Variants in LHFPL3 observed in about 807,000 individuals in gnomAD.
The protein encoded by LHFPL3 is LHFPL tetraspan subfamily member 3.
Under a neutral mutation model 19.3 loss-of-function variants are expected in LHFPL3, and 5 were observed. The ratio of observed to expected loss-of-function variants is 0.26; its 90% CI spans 0.14 to 0.54. The LOEUF (loss-of-function observed/expected upper bound fraction) is 0.54, where lower values mean the gene tolerates loss of function less well. Among genes scored for constraint, LHFPL3 ranks in the 20% least tolerant of loss-of-function variants. The pLI is 0.94. For missense variants in LHFPL3, 249 were observed against 307.4 expected, an observed-to-expected ratio of 0.81 and a Z score of 1.42; for synonymous variants, 133 against 126.2, an observed-to-expected ratio of 1.05 and a Z score of -0.36.
At chr7:104,704,653 T>TCC (rs1562969317) in intron 1 of LHFPL3, among the ~76,000 whole-genome samples, 4 of 147,028 alleles carry the variant, frequency 2.7e-5, no homozygotes, top group African/African-American at 1.0e-4. Flanking sequence ...TTTTTTTTTT[T>TCC]TTGACAGGGT....
chr7:104,377,905 A>G (rs918068802), intron 1 of LHFPL3, among the ~76,000 whole-genome samples: 2 of 152,220 alleles, frequency 1.3e-5, no homozygotes, highest in Non-Finnish European at 1.5e-5. Context: ...GGCTTCTTCA[A>G]TTATTGTACA....
intron 1 of LHFPL3, among the ~76,000 whole-genome samples, chr7:104,430,379 TATACATATATATATATATATATATAC>T (rs1202743014): frequency 6.2e-5 from 3 of 48,308 alleles, no homozygotes; most frequent in African/African-American, 4.5e-4. Flanking sequence ...GGTATATATA[TATACATATATATATATATATATATAC>T]ATATATATAT....
At chr7:104,755,198 G>A (rs796416828) in intron 2 of LHFPL3, among the ~76,000 whole-genome samples, 4 of 152,240 alleles carry the variant, frequency 2.6e-5, no homozygotes, top group African/African-American at 9.6e-5. Flanking sequence ...TCCAGGTGAT[G>A]ACACGGCACA....
intron 2 of LHFPL3, chr7:104,796,374 G>C (rs1790127011): frequency 6.6e-6 from 1 of 152,234 alleles, no homozygotes; most frequent in South Asian, 2.1e-4. Flanking sequence ...GCATTAGTGT[G>C]GAGGTGGCCA....
chr7:104,636,258 C>T (rs1045002050), intron 1 of LHFPL3, among the ~76,000 whole-genome samples: 2 of 151,838 alleles, frequency 1.3e-5, no homozygotes, highest in African/African-American at 2.4e-5. Flanking sequence ...TAGAAGTATA[C>T]GTATATTATA....
intron 1 of LHFPL3, among the ~76,000 whole-genome samples, chr7:104,365,801 A>AAAAAAG (rs893610992): frequency 8.9e-4 from 126 of 142,050 alleles, no homozygotes; most frequent in Non-Finnish European, 1.4e-3. Flanking sequence ...AAAAAAAAAA[A>AAAAAAG]AAAAGAAAAG....
chr7:104,517,496 A>G (rs1012265659), intron 1 of LHFPL3, among the ~76,000 whole-genome samples: 2 of 149,094 alleles, frequency 1.3e-5, no homozygotes, highest in African/African-American at 5.0e-5. Flanking sequence ...TATTCAAATA[A>G]TTGATTGGCC....
At chr7:104,734,750 G>A (rs373094596) in intron 1 of LHFPL3, among the ~76,000 whole-genome samples, 9 of 152,248 alleles carry the variant, frequency 5.9e-5, no homozygotes, top group Middle Eastern at 6.8e-3. Context: ...GCTTTGTTCC[G>A]TTGCTGGTGA....
intron 1 of LHFPL3, among the ~76,000 whole-genome samples, chr7:104,536,322 A>G (rs2115860099): frequency 6.6e-6 from 1 of 152,290 alleles, no homozygotes; most frequent in African/African-American, 2.4e-5. Flanking sequence ...AAAAATGATC[A>G]TGGAAAGCAA....
chr7:104,558,630 G>C (rs948413609), intron 1 of LHFPL3, among the ~76,000 whole-genome samples: 13 of 150,988 alleles, frequency 8.6e-5, no homozygotes, highest in Admixed American at 3.3e-4. Flanking sequence ...TTTGTAGGTT[G>C]CCTGTTCACT....
In LHFPL3 at chr7:104,495,465, G is replaced by C. The variant is rs963275281; in HGVS notation, c.445+166241G>C. 4.6e-5 allele frequency among the ~76,000 whole-genome samples: 7 copies of C among 152,140 alleles called. 1 individual carries two copies. The highest frequency in any genetic ancestry group is 4.1e-4 in the South Asian group (2 of 4,820). ...GTGGCACAATCTCAGCTCACTGCAA[G>C]CTCCACCTTCCGGGTTCACGCCATT... On this transcript the variant is annotated intron_variant, in intron 1 of 2. Transcript: ENST00000424859.
chr7:104,752,503 A>T (rs899065643), intron 2 of LHFPL3, among the ~76,000 whole-genome samples: 1 of 145,058 alleles, frequency 6.9e-6, no homozygotes, highest in Non-Finnish European at 1.5e-5. Context: ...TTCTTTTCCA[A>T]TCTTTTAGAT....
chr7:104,487,968 T>C (rs1045256161), intron 1 of LHFPL3, among the ~76,000 whole-genome samples: 2 of 152,208 alleles, frequency 1.3e-5, no homozygotes, highest in African/African-American at 4.8e-5. Flanking sequence ...CTCCTTCTTG[T>C]AAATACAGCT....
intron 2 of LHFPL3, among the ~76,000 whole-genome samples, chr7:104,823,668 G>A (rs900957297): frequency 6.6e-6 from 1 of 152,130 alleles, no homozygotes; most frequent in Non-Finnish European, 1.5e-5. Flanking sequence ...TAAGTGCTTT[G>A]AGATTAATTT....
chr7:104,594,761 T>C (rs1790805821), intron 1 of LHFPL3, among the ~76,000 whole-genome samples: 1 of 152,192 alleles, frequency 6.6e-6, no homozygotes, highest in Non-Finnish European at 1.5e-5. Flanking sequence ...TCTCTAACCT[T>C]GTTTACTTGT....
At chr7:104,640,778 C>T (rs950372760) in intron 1 of LHFPL3, among the ~76,000 whole-genome samples, 1 of 152,132 alleles carries the variant, frequency 6.6e-6, no homozygotes, top group African/African-American at 2.4e-5. Context: ...GTAAGTAAAA[C>T]TCATTTACAA....
chr7:104,416,251 G>C (rs1160978064), intron 1 of LHFPL3, among the ~76,000 whole-genome samples: 1 of 152,168 alleles, frequency 6.6e-6, no homozygotes, highest in Non-Finnish European at 1.5e-5. Context: ...AAGATCATAA[G>C]CTAGAAGAGG....
At chr7:104,482,975 G>A (rs541959631) in intron 1 of LHFPL3, among the ~76,000 whole-genome samples, 2 of 152,318 alleles carry the variant, frequency 1.3e-5, no homozygotes, top group East Asian at 1.9e-4. Context: ...CAGGAAATAC[G>A]TTGGACAAAC....
chr7:104,797,678 C>T lies in LHFPL3; in HGVS notation c.682+60767C>T, dbSNP rs540024249. Among the ~76,000 whole-genome samples the T allele has an allele frequency of 5.3e-5, 8 of 151,176 alleles. No individual in the cohort carries two copies. The South Asian group carries it at 1.7e-3, about 32-fold the overall frequency. On this transcript the variant is annotated intron_variant, in intron 2 of 2. Transcript: ENST00000424859. ...CCTGTAATCCCAGCACTTTGGGAGG[C>T]TGAGGCAGGTGGATCACTTGAGCTC...
Sources: gnomAD v4.1 joint callset for allele counts (sites outside exome capture counted in the v4.1 genomes callset) on GRCh38, gnomAD v4.1.1 for gene constraint, MANE v1.5 for transcripts, NCBI Gene and HGNC (gene_info 2026-07-23, HGNC 2026-07-21) for gene names.